GTF2F2: variants seen among roughly 807,000 people sequenced by gnomAD.
GTF2F2 encodes general transcription factor IIF subunit 2, also known as ATP-dependent helicase GTF2F2.
A neutral mutation model predicts 42.2 loss-of-function variants in GTF2F2; 23 were observed. The observed-to-expected ratio is 0.55, with a 90% CI of 0.39 to 0.77. The LOEUF is 0.77. Among genes scored for constraint, GTF2F2 ranks in the 30% least tolerant of loss-of-function variants. The pLI is 0.00. For missense variants in GTF2F2, 261 were observed against 287.2 expected (o/e 0.91, Z 0.66); for synonymous variants, 105 against 100.8 (o/e 1.04, Z -0.25).
chr13:45,213,360 T>G (rs972158972), intron 5 of GTF2F2, among the ~76,000 whole-genome samples: 65 of 152,320 alleles, frequency 4.3e-4, no homozygotes, highest in African/African-American at 1.5e-3. Flanking sequence ...ATTACAGGTA[T>G]GAGCCACGAG....
intron 5 of GTF2F2, among the ~76,000 whole-genome samples, chr13:45,248,691 G>A (rs1000526414): frequency 6.6e-6 from 1 of 152,036 alleles, no homozygotes; most frequent in African/African-American, 2.4e-5. Flanking sequence ...GGGCAAGCTG[G>A]TCTTGAACTC....
rs1555269183 is a variant in GTF2F2 at position 45,212,451 on chromosome 13, C to CTTTCTTTCTTTTCTTT, written c.386+4957_386+4958insTCTTTTTTCTTTCTTT. 5.6e-3 allele frequency among the ~76,000 whole-genome samples: 405 copies of CTTTCTTTCTTTTCTTT among 71,700 alleles called. 15 individuals are homozygous for CTTTCTTTCTTTTCTTT. The highest frequency in any genetic ancestry group is 7.6e-3 in the Non-Finnish European group (266 of 35,088). 47.0% of individuals were successfully genotyped at this position (71,700 alleles called of 152,430 possible). The stretch of plus-strand genomic sequence containing the variant: ...TTCTTTCTTTCTTTCTTTCTTGTTT[C>CTTTCTTTCTTTTCTTT]TTTCTTTCTTTCTTTCTTTCTTTCT... On this transcript the variant is annotated intron_variant, in intron 5 of 7. Coordinates refer to ENST00000340473, the MANE Select transcript of GTF2F2 (RefSeq NM_004128.3).
intron 4 of GTF2F2, among the ~76,000 whole-genome samples, chr13:45,158,922 C>A (rs17066496): frequency 6.6e-6 from 1 of 152,164 alleles, no homozygotes; most frequent in Non-Finnish European, 1.5e-5. Flanking sequence ...TAGTTACTCA[C>A]GGGATGGCTA....
At chr13:45,209,215 C>T (rs181900475) in intron 5 of GTF2F2, among the ~76,000 whole-genome samples, 22 of 152,298 alleles carry the variant, frequency 1.4e-4, no homozygotes, top group African/African-American at 5.3e-4. Context: ...CATAAGATTA[C>T]AGTACTGTAT....
chr13:45,156,786 A>C (rs1045788364), intron 4 of GTF2F2, among the ~76,000 whole-genome samples: 11 of 152,230 alleles, frequency 7.2e-5, no homozygotes, highest in African/African-American at 2.4e-4. Flanking sequence ...AGAAATGGGC[A>C]GGCTTAGAGC....
chr13:45,212,495 C>CTTTCT (rs1873716353), intron 5 of GTF2F2, among the ~76,000 whole-genome samples: 4 of 102,438 alleles, frequency 3.9e-5, no homozygotes, highest in South Asian at 2.7e-4. Context: ...TTCTTTCTTT[C>CTTTCT]TTTCTTTCTT....
intron 1 of GTF2F2, 127 bp from the exon 2 acceptor site, chr13:45,136,606 T>TA: frequency 1.7e-6 from 1 of 583,378 alleles, no homozygotes. Context: ...GTGTAAAACA[T>TA]ACAGTAGTAA....
At chr13:45,177,320 T>C (rs1871930742) in intron 4 of GTF2F2, among the ~76,000 whole-genome samples, 2 of 152,182 alleles carry the variant, frequency 1.3e-5, no homozygotes, top group Non-Finnish European at 2.9e-5. Flanking sequence ...AGTTATACAG[T>C]TGCGTCCCCT....
chr13:45,153,141 C>G (rs1870579135), intron 4 of GTF2F2, among the ~76,000 whole-genome samples: 1 of 151,618 alleles, frequency 6.6e-6, no homozygotes, highest in South Asian at 2.1e-4. Flanking sequence ...TCCTGAATAG[C>G]TGGGACTACA....
intron 4 of GTF2F2, among the ~76,000 whole-genome samples, chr13:45,176,238 A>C (rs1212456632): frequency 6.6e-6 from 1 of 152,228 alleles, no homozygotes; most frequent in Non-Finnish European, 1.5e-5. Context: ...ACTGTTTTCC[A>C]AAGAAGCCAT....
chr13:45,197,341 T>TAAA (rs67534725), intron 4 of GTF2F2, among the ~76,000 whole-genome samples: 136 of 137,178 alleles, frequency 9.9e-4, no homozygotes, highest in African/African-American at 3.5e-3. Flanking sequence ...TACCAAAAAT[T>TAAA]AAAAAAAAAA....
intron 4 of GTF2F2, among the ~76,000 whole-genome samples, chr13:45,165,663 A>G (rs1370252527): frequency 3.0e-4 from 45 of 151,030 alleles, no homozygotes. Context: ...CCATATACCT[A>G]TCATTCATCT....
intron 1 of GTF2F2, among the ~76,000 whole-genome samples, chr13:45,135,861 C>T (rs1048870729): frequency 1.3e-5 from 2 of 152,170 alleles, no homozygotes; most frequent in African/African-American, 4.8e-5. Flanking sequence ...TCATTTACTC[C>T]TAATAATAGG....
chr13:45,169,103 C>T (rs1473125540), intron 4 of GTF2F2, among the ~76,000 whole-genome samples: 1 of 151,828 alleles, frequency 6.6e-6, no homozygotes, highest in Non-Finnish European at 1.5e-5. Flanking sequence ...GATCCGATCG[C>T]CTCGGCCTCC....
chr13:45,242,234 G>A, intron 5 of GTF2F2, among the ~76,000 whole-genome samples: 1 of 146,354 alleles, frequency 6.8e-6, no homozygotes, highest in East Asian at 2.0e-4. Context: ...TGCCTTCCAA[G>A]CTGCGTCTTC....
chr13:45,223,299 A>G (rs964052763), intron 5 of GTF2F2, among the ~76,000 whole-genome samples: 1 of 151,104 alleles, frequency 6.6e-6, no homozygotes, highest in East Asian at 1.9e-4. Context: ...TGATTTTTAT[A>G]ATCCAAAATG....
At chr13:45,179,530 A>G (rs946308314) in intron 4 of GTF2F2, among the ~76,000 whole-genome samples, 1 of 152,176 alleles carries the variant, frequency 6.6e-6, no homozygotes, top group African/African-American at 2.4e-5. Context: ...GAAGGTATAT[A>G]GTCCTTTGGG....
chr13:45,204,096 T>C (rs1566134288), intron 4 of GTF2F2, among the ~76,000 whole-genome samples: 1 of 152,200 alleles, frequency 6.6e-6, no homozygotes, highest in Admixed American at 6.5e-5. Context: ...ACAGGTTTTT[T>C]GGGAGTCTAT....
At chr13:45,280,195 G>A (rs889574974) in intron 7 of GTF2F2, among the ~76,000 whole-genome samples, 4 of 152,220 alleles carry the variant, frequency 2.6e-5, no homozygotes, top group African/African-American at 7.2e-5. Context: ...GGAAGCATGC[G>A]TGAGGGGGAG....
Sources: gnomAD v4.1 joint callset for allele counts (sites outside exome capture counted in the v4.1 genomes callset) on GRCh38, gnomAD v4.1.1 for gene constraint, MANE v1.5 for transcripts, NCBI Gene and HGNC (gene_info 2026-07-23, HGNC 2026-07-21) for gene names.